SLC38A10: variants seen among roughly 807,000 people sequenced by gnomAD.
SLC38A10 encodes solute carrier family 38 member 10, also known as Sodium-coupled neutral amino acid transporter 10.
In SLC38A10, 53 loss-of-function variants were observed where a neutral mutation model predicts 81.0. The observed-to-expected ratio is 0.65, with a 90% CI of 0.53 to 0.82. The LOEUF is 0.82. Ranked by LOEUF, SLC38A10 falls within the 40% of genes least tolerant of loss-of-function variation. The probability of loss-of-function intolerance (pLI) is 0.00; values close to 1 mark genes in which losing one functional copy is unlikely to be tolerated. For synonymous variants in SLC38A10, 665 were observed against 655.3 expected, an observed-to-expected ratio of 1.01 and a Z score of -0.23; for missense variants, 1,471 against 1,545.0, an observed-to-expected ratio of 0.95 and a Z score of 0.80.
intron 1 of SLC38A10, among the ~76,000 whole-genome samples, chr17:81,294,582 T>C (rs1470149873): frequency 6.6e-6 from 1 of 152,206 alleles, no homozygotes; most frequent in Non-Finnish European, 1.5e-5. Flanking sequence ...ATCGAGTTTT[T>C]GAGTGTGGGG....
intron 11 of SLC38A10, among the ~76,000 whole-genome samples, chr17:81,257,991 C>T (rs1213291332): frequency 6.6e-6 from 1 of 152,224 alleles, no homozygotes; most frequent in Non-Finnish European, 1.5e-5. Context: ...ACGAACGGCC[C>T]GACTCCCAGC....
rs115471970 is a variant in SLC38A10 at position 81,258,996 on chromosome 17, T to C, written c.1288+1242A>G. ...CCTTGGCAAATATGAGCACAGCGGA[T>C]CCAGGAAGACCCTCGGAGAGTGTCC... On this transcript the variant is annotated intron_variant, in intron 11 of 15. Transcript: ENST00000374759. Among the ~76,000 whole-genome samples the C allele has an allele frequency of 7.1e-3, 1,080 of 152,312 alleles. 15 individuals carry two copies. The highest frequency in any genetic ancestry group is 0.025 in the African/African-American group (1,020 of 41,574).
chr17:81,263,453 G>A (rs899902233), intron 10 of SLC38A10: 7 of 152,352 alleles, frequency 4.6e-5, no homozygotes, highest in South Asian at 4.1e-4. Flanking sequence ...AGCCCCCGGC[G>A]TGAGGGCAGC....
chr17:81,281,200 C>T lies in SLC38A10; in HGVS notation c.502-467G>A, dbSNP rs1375950845. The stretch of plus-strand genomic sequence containing the variant: ...GTAGCTGCCACTGGGCTGGCCCTCA[C>T]TCGGAGAGCTGAGGAGCACTGGAGA... On this transcript the variant is annotated intron_variant, in intron 5 of 15. Transcript: ENST00000374759. This position sits in a 1 kb window ranked among gnomAD's most constrained non-coding sequence, Gnocchi z 5.3. 6.6e-6 allele frequency among the ~76,000 whole-genome samples: 1 copy of T among 152,226 alleles called. No homozygotes were observed. The highest frequency in any genetic ancestry group is 6.5e-5 in the Admixed American group (1 of 15,284).
chr17:81,294,742 A>C, intron 1 of SLC38A10, 81 bp downstream of exon 1: 1 of 1,312,898 alleles, frequency 7.6e-7, no homozygotes, highest in African/African-American at 1.6e-5. Flanking sequence ...CCCCGGCGGG[A>C]ACTTTAACCA....
chr17:81,285,449 G>A (rs1398227407), intron 2 of SLC38A10: 1 of 152,388 alleles, frequency 6.6e-6, no homozygotes, highest in African/African-American at 2.4e-5. Context: ...CTGGGCTTGT[G>A]GTGTCCACGT....
chr17:81,274,970 G>A (rs546347910), intron 8 of SLC38A10, among the ~76,000 whole-genome samples: 7 of 152,272 alleles, frequency 4.6e-5, no homozygotes, highest in African/African-American at 1.4e-4. Context: ...ATGGTGGAGC[G>A]GTCATGGCCC....
At chr17:81,247,332 C>T in intron 14 of SLC38A10, 1 of 345,776 alleles carries the variant, frequency 2.9e-6, no homozygotes, top group Non-Finnish European at 5.2e-6. Context: ...AGCCACTGTG[C>T]CGCATCAGTT....
In SLC38A10 at chr17:81,282,454, G is replaced by A. The variant is rs931479929; in HGVS notation, c.358-122C>T. On this transcript the variant is annotated intron_variant, in intron 4 of 15. Coordinates refer to ENST00000374759, the MANE Select transcript of SLC38A10 (RefSeq NM_001037984.3). Reference sequence around the variant, plus strand: ...AGCCGACGGCATCCAGGTGAATGACGCCGGCGGGTCTGAGGCTGGCACACT... The same window carrying A: ...AGCCGACGGCATCCAGGTGAATGACACCGGCGGGTCTGAGGCTGGCACACT... 12 of 1,368,892 alleles carry A rather than the reference G, an allele frequency of 8.8e-6. 1 individual carries two copies. Among genetic ancestry groups the A allele is most frequent in the African/African-American group, 2.9e-5 (2 of 69,798 alleles). 84.8% of individuals were successfully genotyped at this position (1,368,892 alleles called of 1,614,324 possible).
At chr17:81,272,194 T>C (rs1238093953) in intron 9 of SLC38A10, among the ~76,000 whole-genome samples, 1 of 152,026 alleles carries the variant, frequency 6.6e-6, no homozygotes, top group African/African-American at 2.4e-5. Context: ...CATGACGCCC[T>C]GCTAATTTTG....
rs2063266291 is a variant in SLC38A10, at chr17:81,286,270, A to C, written c.218-1375T>G. On this transcript the variant is annotated intron_variant, in intron 2 of 15. Transcript: ENST00000374759. The surrounding 1 kb of genome is among the most constrained non-coding windows in gnomAD (Gnocchi z 6.0). ...GTCTCTACAGCATATTCCAAACACG[A>C]GCGCACCTTGCCCAAGAAGGTTCCG... Among the ~76,000 whole-genome samples the C allele has an allele frequency of 6.6e-6, 1 of 152,152 alleles. No homozygotes were observed. Among genetic ancestry groups the C allele is most frequent in the South Asian group, 2.1e-4 (1 of 4,836 alleles).
chr17:81,251,412 C>A (rs754102833), intron 14 of SLC38A10, 81 bp downstream of exon 14: 2 of 1,611,110 alleles, frequency 1.2e-6, no homozygotes, highest in Non-Finnish European at 1.7e-6. Context: ...CCGAGGATGA[C>A]CTGGGCATCA....
chr17:81,261,148 G>A (rs1300386510), intron 10 of SLC38A10, among the ~76,000 whole-genome samples: 7 of 152,190 alleles, frequency 4.6e-5, no homozygotes, highest in South Asian at 2.1e-4. Context: ...CCCGCTCCCC[G>A]GCCAATCGTA....
Position 81,283,456 on chromosome 17 carries a change from T to A in SLC38A10, c.310A>T (p.Ile104Phe). 6.2e-7 allele frequency: 1 copy of A among 1,612,572 alleles called. No homozygotes were observed. Among genetic ancestry groups the A allele is most frequent in the South Asian group, 1.1e-5 (1 of 90,888 alleles). ...AAGAAGTTGGACCCCAAGTCGCCGA[T>A]CACGACGTAGAAGGCGATGCAGGTG... is the stretch of plus-strand genomic sequence containing the variant. ...LGTCIAFYVV[I>F]GDLGSNFFAR... The change falls in exon 4 of 16, where the codon ATC becomes TTC. Residue 104 changes from isoleucine (I) to phenylalanine (F), a missense_variant. Around this residue, in one of 2 missense-constraint regions of SLC38A10, gnomAD observed 720 missense variants for 827.7 expected, o/e 0.87. Transcript: ENST00000374759. This position sits in a 1 kb window ranked among gnomAD's most constrained non-coding sequence, Gnocchi z 4.7.
intron 10 of SLC38A10, chr17:81,264,319 C>A (rs562073067): frequency 6.6e-6 from 1 of 152,320 alleles, no homozygotes; most frequent in Non-Finnish European, 1.5e-5. Context: ...TTTGAGGACG[C>A]GGTCATTCAA....
Position 81,282,352 on chromosome 17 carries a change from G to A in SLC38A10, c.358-20C>T. 6.3e-7 allele frequency: 1 copy of A among 1,595,258 alleles called. No individual in the cohort carries two copies. The highest frequency in any genetic ancestry group is 1.8e-5 in the Admixed American group (1 of 55,962). The stretch of plus-strand genomic sequence containing the variant: ...GCCCACCTGCGGGGAGCCGGCAGGG[G>A]GTCTTGGCCACAGCCCGTGCCTGCT... On this transcript the variant is annotated intron_variant, in intron 4 of 15. Coordinates refer to ENST00000374759, the MANE Select transcript of SLC38A10 (RefSeq NM_001037984.3).
chr17:81,283,387 AGAACCCT>A lies in SLC38A10; in HGVS notation c.357+15_357+21del. 1 of 1,606,672 alleles carries A rather than the reference AGAACCCT, an allele frequency of 6.2e-7. No homozygotes were observed. Among genetic ancestry groups the A allele is most frequent in the Non-Finnish European group, 8.5e-7 (1 of 1,175,788 alleles). On this transcript the variant is annotated intron_variant, in intron 4 of 15. Coordinates refer to ENST00000374759, the MANE Select transcript of SLC38A10 (RefSeq NM_001037984.3). The surrounding 1 kb of genome is among the most constrained non-coding windows in gnomAD (Gnocchi z 4.7). Reference sequence around the variant, plus strand: ...GCAGCCGTCAGCATCTGAACAACCCAGAACCCTGAACACATCCTTACCTGAAACCCGA... The same window carrying A: ...GCAGCCGTCAGCATCTGAACAACCCAGAACACATCCTTACCTGAAACCCGA...
intron 10 of SLC38A10, chr17:81,263,746 T>C (rs2063044932): frequency 6.6e-6 from 1 of 152,350 alleles, no homozygotes. Flanking sequence ...GGAGGCCGCA[T>C]GGGCACTTGT....
At chr17:81,269,942 C>T (rs2063100398) in intron 10 of SLC38A10, among the ~76,000 whole-genome samples, 1 of 151,862 alleles carries the variant, frequency 6.6e-6, no homozygotes, top group African/African-American at 2.4e-5. Flanking sequence ...CCAGCTTGGG[C>T]AACAAGAGTG....
Sources: allele counts gnomAD v4.1 joint callset (sites outside exome capture counted in the v4.1 genomes callset), GRCh38; gene constraint gnomAD v4.1.1; regional missense constraint gnomAD v4.1.1; non-coding constraint Gnocchi (gnomAD v3.1); transcripts MANE v1.5; gene names NCBI Gene and HGNC (gene_info 2026-07-23, HGNC 2026-07-21).